GPR17: variants seen among roughly 807,000 people sequenced by gnomAD.
GPR17 encodes the protein G protein-coupled receptor 17.
GPR17 carries 4 observed loss-of-function variants against 1.5 expected under a neutral mutation model. The ratio of observed to expected loss-of-function variants is 2.73; its 90% CI spans 1.35 to 6.25. The LOEUF (loss-of-function observed/expected upper bound fraction) is 6.25, where lower values mean the gene tolerates loss of function less well. Ranked by LOEUF, GPR17 falls within the 30% of genes most tolerant of loss-of-function variation. The probability of loss-of-function intolerance (pLI) is 0.00; values close to 1 mark genes in which losing one functional copy is unlikely to be tolerated. For missense variants in GPR17, 463 were observed against 462.1 expected (o/e 1.00, Z -0.02); for synonymous variants, 209 against 207.6 (o/e 1.01, Z -0.06).
chr2:127,648,094 A>C, intron 1 of GPR17: 7 of 985,468 alleles, frequency 7.1e-6, no homozygotes, highest in Non-Finnish European at 8.4e-6. Flanking sequence ...AGTCCTAGGG[A>C]AAGTGCCAGC....
In GPR17 at chr2:127,651,200, G is replaced by C; in HGVS notation, c.465G>C (p.Leu155=). The change falls in exon 2 of 2, where the codon CTG becomes CTC. Residue 155 remains leucine (L), a synonymous_variant. Coordinates refer to ENST00000486700, the MANE Select transcript of GPR17 (RefSeq NM_001161417.2). ...PLYAHLACAF[L]WVVVAVAMAP... is the part of the protein sequence containing the mutation. ...ACGCACACCTGGCCTGTGCCTTCCT[G>C]TGGGTGGTGGTGGCTGTGGCCATGG... The C allele has an allele frequency of 6.2e-7, 1 of 1,610,604 alleles. No homozygotes were observed. The highest frequency in any genetic ancestry group is 8.5e-7 in the Non-Finnish European group (1 of 1,179,732).
intron 1 of GPR17, 143 bp from the exon 2 acceptor site, chr2:127,650,573 G>A: frequency 4.8e-6 from 3 of 627,286 alleles, no homozygotes; most frequent in Middle Eastern, 3.2e-4. Context: ...GGACAAGGAG[G>A]TCCCCTCAGC....
In GPR17 at chr2:127,650,804, T is replaced by C. The variant is rs1683675652; in HGVS notation, c.69T>C (p.Cys23=). 4 of 1,613,794 alleles carry C rather than the reference T, an allele frequency of 2.5e-6. No homozygotes were observed. The highest frequency in any genetic ancestry group is 1.7e-5 in the Admixed American group (1 of 60,014). ...TCTCCCTGGCCACGGCAGAGCAATG[T>C]GGCCAGGAGACGCCACTGGAGAACA... is the stretch of plus-strand genomic sequence containing the variant. The part of the protein sequence containing the change: ...TNFSLATAEQ[C]GQETPLENML... Residue 23 remains cysteine, a synonymous_variant, in exon 2 of 2, where the codon TGT becomes TGC. Coordinates refer to ENST00000486700, the MANE Select transcript of GPR17 (RefSeq NM_001161417.2).
intron 1 of GPR17, chr2:127,648,357 G>A (rs756707401): frequency 4.4e-6 from 1 of 229,786 alleles, no homozygotes. Flanking sequence ...CTTTGCTTGA[G>A]GACATTGATG....
Position 127,651,897 on chromosome 2 carries a change from G to C in GPR17, c.*142G>C. The C allele has an allele frequency of 1.3e-6, 1 of 759,082 alleles. No individual in the cohort carries two copies. Among genetic ancestry groups the C allele is most frequent in the Non-Finnish European group, 2.1e-6 (1 of 466,378 alleles). The allele number at this position is 759,082 out of a possible 1,614,324, so 47.0% of individuals were successfully genotyped here. On this transcript the variant is annotated 3_prime_UTR_variant, in exon 2 of 2. Transcript: ENST00000486700. ...GCCCACCATTTCTCTAGATCGCCTAGTCTCAACCCATAAAAAGGAAGAACT... is the reference window on the plus strand; with the variant it reads ...GCCCACCATTTCTCTAGATCGCCTACTCTCAACCCATAAAAAGGAAGAACT...
Position 127,651,238 on chromosome 2 carries a change from T to C in GPR17, c.503T>C (p.Val168Ala), listed in dbSNP as rs754706777. 14 of 1,607,268 alleles carry C rather than the reference T, an allele frequency of 8.7e-6. No individual in the cohort carries two copies. The highest frequency in any genetic ancestry group is 8.5e-6 in the Non-Finnish European group (10 of 1,179,338). The change falls in exon 2 of 2, where the codon GTG becomes GCG. Residue 168 changes from valine to alanine, a missense_variant. By Grantham distance (64) the Val-to-Ala change is moderately conservative (BLOSUM62 0). Coordinates refer to ENST00000486700, the MANE Select transcript of GPR17 (RefSeq NM_001161417.2). Reference sequence around the variant, plus strand: ...GCTGTGGCCATGGCCCCGCTGCTGGTGAGCCCACAGACCGTGCAGACCAAC... The same window carrying C: ...GCTGTGGCCATGGCCCCGCTGCTGGCGAGCCCACAGACCGTGCAGACCAAC... The part of the protein sequence containing the change: ...VVAVAMAPLL[V>A]SPQTVQTNHT...
chr2:127,651,974 A>C lies in GPR17; in HGVS notation c.*219A>C. On this transcript the variant is annotated 3_prime_UTR_variant, in exon 2 of 2. Transcript: ENST00000486700. Reference sequence around the variant, plus strand: ...TCTGCAGGGGCTTGTGATGGCTACAATGGCTCCTAGACACTCAACGACTTC... The same window carrying C: ...TCTGCAGGGGCTTGTGATGGCTACACTGGCTCCTAGACACTCAACGACTTC... 1.7e-6 allele frequency: 1 copy of C among 603,020 alleles called. No individual in the cohort carries two copies. The allele number at this position is 603,020 out of a possible 1,614,324, so 37.4% of individuals were successfully genotyped here. A position where few individuals can be genotyped will look rare whatever the true frequency, so the allele number is the denominator to read the frequency against.
chr2:127,650,660 G>A (rs1683650974), intron 1 of GPR17, 56 bp from the exon 2 acceptor site: 1 of 1,235,770 alleles, frequency 8.1e-7, no homozygotes, highest in South Asian at 1.4e-5. Context: ...ACTTCAGAGA[G>A]CGTGAAGCTG....
At position 127,649,165 on chromosome 2, in the gene GPR17, T is replaced by TAGGAAGGAAGGAAGGAAGGA. The variant is rs376330379; in HGVS notation, c.-20-1523_-20-1504dup. Among the ~76,000 whole-genome samples the TAGGAAGGAAGGAAGGAAGGA allele has an allele frequency of 6.5e-3, 873 of 134,302 alleles. 5 individuals are homozygous for TAGGAAGGAAGGAAGGAAGGA. Among genetic ancestry groups the TAGGAAGGAAGGAAGGAAGGA allele is most frequent in the African/African-American group, 0.02 (724 of 36,620 alleles). The allele number at this position is 134,302 out of a possible 152,430, so 88.1% of individuals were successfully genotyped here. On this transcript the variant is annotated intron_variant, in intron 1 of 1. Coordinates refer to ENST00000486700, the MANE Select transcript of GPR17 (RefSeq NM_001161417.2). Reference sequence around the variant, plus strand: ...AAGCGAAGTGAGAGAGAGAGGAAGGTAGGAAGGAAGGAAGGAAGGAAGGAA... The same window carrying TAGGAAGGAAGGAAGGAAGGA: ...AAGCGAAGTGAGAGAGAGAGGAAGGTAGGAAGGAAGGAAGGAAGGAAGGAAGGAAGGAAGGAAGGAAGGAA...
chr2:127,650,768 G>T lies in GPR17; in HGVS notation c.33G>T (p.Leu11=). 6.2e-7 allele frequency: 1 copy of T among 1,613,848 alleles called. No homozygotes were observed. Among genetic ancestry groups the T allele is most frequent in the South Asian group, 1.1e-5 (1 of 91,056 alleles). Residue 11 remains leucine (L), a synonymous_variant, in exon 2 of 2, where the codon CTG becomes CTT. Coordinates refer to ENST00000486700, the MANE Select transcript of GPR17 (RefSeq NM_001161417.2). MNGLEVAPPG[L]ITNFSLATAE... ...GCCTTGAAGTGGCTCCCCCAGGTCT[G>T]ATCACCAACTTCTCCCTGGCCACGG...
At position 127,647,847 on chromosome 2, in the gene GPR17, A is replaced by G. The variant is rs1014722007; in HGVS notation, c.-21+1603A>G. ...CCAGCACATGCAACACGACACCCTC[A>G]AAGTCATGGGCCCCCCTCCCCTGCC... On this transcript the variant is annotated intron_variant, in intron 1 of 1. Coordinates refer to ENST00000486700, the MANE Select transcript of GPR17 (RefSeq NM_001161417.2). This position sits in a 1 kb window ranked among gnomAD's most constrained non-coding sequence, Gnocchi z 4.3. 6.6e-6 allele frequency among the ~76,000 whole-genome samples: 1 copy of G among 151,714 alleles called. No individual in the cohort carries two copies. Among genetic ancestry groups the G allele is most frequent in the African/African-American group, 2.4e-5 (1 of 41,254 alleles).
rs778865404 is a variant in GPR17, at chr2:127,651,418, G to T, written c.683G>T (p.Arg228Leu). The T allele has an allele frequency of 1.2e-6, 2 of 1,612,774 alleles. No homozygotes were observed. The highest frequency in any genetic ancestry group is 1.7e-6 in the Non-Finnish European group (2 of 1,180,040). The change falls in exon 2 of 2, where the codon CGC becomes CTC. Residue 228 changes from arginine (R) to leucine (L), a missense_variant. Transcript: ENST00000486700. ...SLRQGLRVEK[R>L]LKTKAVRMIA... Reference sequence around the variant, plus strand: ...CGGCAGGGCCTGCGTGTGGAGAAGCGCCTCAAGACCAAGGCAGTGCGCATG... The same window carrying T: ...CGGCAGGGCCTGCGTGTGGAGAAGCTCCTCAAGACCAAGGCAGTGCGCATG...
chr2:127,648,060 C>T (rs1683193175), intron 1 of GPR17: 2 of 985,678 alleles, frequency 2.0e-6, no homozygotes, highest in African/African-American at 3.5e-5. Flanking sequence ...GCCCTCAGCT[C>T]TCCGCCCTCA....
At chr2:127,649,807 C>T (rs528409265) in intron 1 of GPR17, 36 of 569,694 alleles carry the variant, frequency 6.3e-5, no homozygotes, top group East Asian at 1.5e-4. Context: ...GGGCAAGCCA[C>T]GAGGCCTCCA....
rs1227516726 is a variant in GPR17 at position 127,651,435 on chromosome 2, G to A, written c.700G>A (p.Val234Met). ...GGAGAAGCGCCTCAAGACCAAGGCA[G>A]TGCGCATGATCGCCATAGTGCTGGC... ...RVEKRLKTKAVRMIAIVLAIF... is the reference protein window; with the variant it reads ...RVEKRLKTKAMRMIAIVLAIF... The change falls in exon 2 of 2, where the codon GTG (valine) becomes ATG (methionine). Residue 234 changes from valine to methionine, a missense_variant. Physicochemically the swap from Val to Met is conservative, Grantham distance 21. Transcript: ENST00000486700. 2 of 1,612,916 alleles carry A rather than the reference G, an allele frequency of 1.2e-6. No individual in the cohort carries two copies. Among genetic ancestry groups the A allele is most frequent in the South Asian group, 1.1e-5 (1 of 91,090 alleles).
chr2:127,651,377 G>A lies in GPR17; in HGVS notation c.642G>A (p.Leu214=). The A allele has an allele frequency of 6.2e-7, 1 of 1,612,650 alleles. No individual in the cohort carries two copies. Among genetic ancestry groups the A allele is most frequent in the Non-Finnish European group, 8.5e-7 (1 of 1,180,038 alleles). ...PFITTVTCYL[L]IIRSLRQGLR... ...TCACCACGGTCACCTGCTACCTGCT[G>A]ATCATCCGCAGCCTGCGGCAGGGCC... is the stretch of plus-strand genomic sequence containing the variant. Residue 214 remains leucine, a synonymous_variant, in exon 2 of 2, where the codon CTG becomes CTA. Transcript: ENST00000486700.
Position 127,647,778 on chromosome 2 carries a change from G to A in GPR17, c.-21+1534G>A, listed in dbSNP as rs11677393. On this transcript the variant is annotated intron_variant, in intron 1 of 1. Transcript: ENST00000486700. The surrounding 1 kb of genome is among the most constrained non-coding windows in gnomAD (Gnocchi z 4.3). Reference sequence around the variant, plus strand: ...GGCTGTCCTCTCTGCTTGCCCATGCGTCTGCCCTGGAGCCCTGTTCCTCCA... The same window carrying A: ...GGCTGTCCTCTCTGCTTGCCCATGCATCTGCCCTGGAGCCCTGTTCCTCCA... 0.36 allele frequency among the ~76,000 whole-genome samples: 54,836 copies of A among 151,648 alleles called. 10,547 individuals carry two copies. The highest frequency in any genetic ancestry group is 0.42 in the Non-Finnish European group (28,547 of 67,870).
chr2:127,648,332 G>A (rs1050508961), intron 1 of GPR17: 1 of 367,050 alleles, frequency 2.7e-6, no homozygotes, highest in African/African-American at 2.2e-5. Flanking sequence ...AATATTATTA[G>A]GTAGTTGCCC....
chr2:127,652,162 C>T lies in GPR17; in HGVS notation c.*407C>T. ...GCTGCAAATGACCCAGAAGAGGGAC[C>T]TGGGAGTCCTGGTGGGGACGGGGAG... On this transcript the variant is annotated 3_prime_UTR_variant, in exon 2 of 2. Transcript: ENST00000486700. 1 of 238,468 alleles carries T rather than the reference C, an allele frequency of 4.2e-6. No individual in the cohort carries two copies. The highest frequency in any genetic ancestry group is 8.9e-6 in the Non-Finnish European group (1 of 112,440). 14.8% of individuals were successfully genotyped at this position (238,468 alleles called of 1,614,324 possible).
Sources: allele counts gnomAD v4.1 joint callset (sites outside exome capture counted in the v4.1 genomes callset), GRCh38; gene constraint gnomAD v4.1.1; non-coding constraint Gnocchi (gnomAD v3.1); transcripts MANE v1.5; gene names NCBI Gene and HGNC (gene_info 2026-07-23, HGNC 2026-07-21).